PLPPR1: variants seen among roughly 807,000 people sequenced by gnomAD.
PLPPR1 encodes phospholipid phosphatase related 1, also known as phospholipid phosphatase-related protein type 1.
In PLPPR1, 10 loss-of-function variants were observed where a neutral mutation model predicts 33.1. That is an observed-to-expected ratio of 0.30 (90% CI 0.19 to 0.51). PLPPR1 has a LOEUF of 0.51. PLPPR1 is among the 20% of genes least tolerant of loss of function. The pLI, the probability that PLPPR1 is intolerant of heterozygous loss-of-function variation, is 0.97. For missense variants in PLPPR1, 304 were observed against 408.1 expected (o/e 0.74, Z 2.20); for synonymous variants, 151 against 151.0 (o/e 1.00, Z 0.00).
intron 5 of PLPPR1, among the ~76,000 whole-genome samples, chr9:101,311,489 T>C (rs1828954968): frequency 6.6e-6 from 1 of 152,204 alleles, no homozygotes; most frequent in African/African-American, 2.4e-5. Context: ...TTAATCTTTC[T>C]TATAGGAAAG....
intron 2 of PLPPR1, among the ~76,000 whole-genome samples, chr9:101,200,302 T>C (rs1826469556): frequency 1.3e-5 from 2 of 152,146 alleles, no homozygotes; most frequent in Non-Finnish European, 1.5e-5. Context: ...CACTCATTAA[T>C]GGACCTCATT....
chr9:101,248,472 T>G (rs1000548089), intron 2 of PLPPR1, among the ~76,000 whole-genome samples: 3 of 152,028 alleles, frequency 2.0e-5, no homozygotes, highest in African/African-American at 4.8e-5. Flanking sequence ...TGATACAGAT[T>G]ATGCATTGTG....
At chr9:101,088,971 A>G (rs147392357) in intron 1 of PLPPR1, among the ~76,000 whole-genome samples, 29 of 152,306 alleles carry the variant, frequency 1.9e-4, no homozygotes, top group Admixed American at 1.7e-3. Flanking sequence ...GATGAAACAA[A>G]TATCTTGACA....
chr9:101,215,757 C>G (rs1050740827), intron 2 of PLPPR1, among the ~76,000 whole-genome samples: 1 of 152,080 alleles, frequency 6.6e-6, no homozygotes, highest in Non-Finnish European at 1.5e-5. Flanking sequence ...CTTTCTGTGC[C>G]TGGCTTATTT....
chr9:101,306,858 G>A (rs545884229), intron 4 of PLPPR1, among the ~76,000 whole-genome samples: 11 of 152,346 alleles, frequency 7.2e-5, no homozygotes, highest in African/African-American at 2.6e-4. Flanking sequence ...AAGGGCAAAA[G>A]TAGCTGTTTT....
At chr9:101,129,477 A>G (rs1010324320) in intron 1 of PLPPR1, among the ~76,000 whole-genome samples, 2 of 152,136 alleles carry the variant, frequency 1.3e-5, no homozygotes, top group African/African-American at 4.8e-5. Flanking sequence ...AAACCTATCC[A>G]CTTACAGGTG....
At position 101,077,655 on chromosome 9, in the gene PLPPR1, A is replaced by C. The variant is rs1447069387; in HGVS notation, c.-46+48553A>C. On this transcript the variant is annotated intron_variant, in intron 1 of 7. Coordinates refer to ENST00000374874, the MANE Select transcript of PLPPR1 (RefSeq NM_207299.2). ...AGAGGAGGGAGTGAAACTGCAGTGC[A>C]TCACCACAGAGGCCTTAGACAATCC... Among the ~76,000 whole-genome samples, 3 of 152,246 alleles carry C rather than the reference A, an allele frequency of 2.0e-5. No homozygotes were observed. In the South Asian group the frequency reaches 6.2e-4, roughly 32 times the overall value.
intron 4 of PLPPR1, among the ~76,000 whole-genome samples, chr9:101,307,527 C>A (rs560865865): frequency 6.6e-6 from 1 of 152,150 alleles, no homozygotes; most frequent in Admixed American, 6.5e-5. Flanking sequence ...TCAATGAATG[C>A]CTGCTCTCAG....
chr9:101,246,073 T>TAG lies in PLPPR1; in HGVS notation c.64-23806_64-23805insGA, dbSNP rs1564014948. 1.0e-3 allele frequency among the ~76,000 whole-genome samples: 98 copies of TAG among 93,500 alleles called. 1 individual carries two copies. The highest frequency in any genetic ancestry group is 3.3e-3 in the African/African-American group (93 of 28,132). The allele number at this position is 93,500 out of a possible 152,430, so 61.3% of individuals were successfully genotyped here. A position where few individuals can be genotyped will look rare whatever the true frequency, so the allele number is the denominator to read the frequency against. On this transcript the variant is annotated intron_variant, in intron 2 of 7. Transcript: ENST00000374874. ...GAATATGAATATATATATATATATA[T>TAG]ATATATATATATATATATATATATA...
chr9:101,182,316 A>G lies in PLPPR1; in HGVS notation c.-45-3134A>G, dbSNP rs191700338. Among the ~76,000 whole-genome samples, 73 of 151,820 alleles carry G rather than the reference A, an allele frequency of 4.8e-4. No homozygotes were observed. The East Asian group carries it at 0.012, about 25-fold the overall frequency. ...CAGATAGACAGGAGGCATAAGCTTTAATGATCTGTTGTGCAGAATGGTGAT... is the reference window on the plus strand; with the variant it reads ...CAGATAGACAGGAGGCATAAGCTTTGATGATCTGTTGTGCAGAATGGTGAT... On this transcript the variant is annotated intron_variant, in intron 1 of 7. Transcript: ENST00000374874.
chr9:101,306,098 AT>A (rs916710950), intron 4 of PLPPR1, among the ~76,000 whole-genome samples: 1 of 151,818 alleles, frequency 6.6e-6, no homozygotes, highest in Non-Finnish European at 1.5e-5. Context: ...GCAGACACCA[AT>A]TTTTTTTGTC....
In PLPPR1 at chr9:101,222,827, C is replaced by T. The variant is rs575183269; in HGVS notation, c.63+37270C>T. Among the ~76,000 whole-genome samples the T allele has an allele frequency of 2.0e-5, 3 of 151,740 alleles. No homozygotes were observed. The South Asian group carries it at 6.3e-4, about 32-fold the overall frequency. ...TGAGACCATTCATCATAAAGCAAAC[C>T]CCCGCCCCCGCCATGATAGTAGATC... On this transcript the variant is annotated intron_variant, in intron 2 of 7. Coordinates refer to ENST00000374874, the MANE Select transcript of PLPPR1 (RefSeq NM_207299.2).
rs534262844 is a variant in PLPPR1, at chr9:101,098,144, T to C, written c.-46+69042T>C. 7.9e-5 allele frequency among the ~76,000 whole-genome samples: 12 copies of C among 152,190 alleles called. No individual in the cohort carries two copies. In the South Asian group the frequency reaches 2.5e-3, roughly 32 times the overall value. On this transcript the variant is annotated intron_variant, in intron 1 of 7. Transcript: ENST00000374874. ...CTCTGGAGGCCGAGTGGAAGATAGATTGGAAATGTAGCAGGAAATCTACTG... is the reference window on the plus strand; with the variant it reads ...CTCTGGAGGCCGAGTGGAAGATAGACTGGAAATGTAGCAGGAAATCTACTG...
At chr9:101,235,070 A>G (rs1827272968) in intron 2 of PLPPR1, among the ~76,000 whole-genome samples, 1 of 151,942 alleles carries the variant, frequency 6.6e-6, no homozygotes, top group Non-Finnish European at 1.5e-5. Flanking sequence ...ATCATGGCAG[A>G]TGTGGAAAGA....
intron 4 of PLPPR1, among the ~76,000 whole-genome samples, chr9:101,308,551 T>C (rs1828895835): frequency 6.6e-6 from 1 of 152,212 alleles, no homozygotes; most frequent in Admixed American, 6.5e-5. Flanking sequence ...TAGGAGGCTA[T>C]TGGTCAACAA....
At chr9:101,183,320 G>A (rs553088036) in intron 1 of PLPPR1, among the ~76,000 whole-genome samples, 9 of 151,774 alleles carry the variant, frequency 5.9e-5, no homozygotes, top group East Asian at 1.9e-4. Flanking sequence ...AATATTATTC[G>A]GCAGTTAAAA....
chr9:101,316,738 C>T (rs898516989), intron 6 of PLPPR1, among the ~76,000 whole-genome samples: 4 of 151,806 alleles, frequency 2.6e-5, no homozygotes, highest in Non-Finnish European at 5.9e-5. Flanking sequence ...AAAGAAAACT[C>T]AAGAGTTATC....
intron 1 of PLPPR1, among the ~76,000 whole-genome samples, chr9:101,097,256 G>C (rs914730812): frequency 2.6e-5 from 4 of 152,156 alleles, no homozygotes; most frequent in African/African-American, 9.7e-5. Flanking sequence ...GTGATGCTGC[G>C]CCTGGTGGTC....
intron 1 of PLPPR1, among the ~76,000 whole-genome samples, chr9:101,083,859 A>C (rs1416404322): frequency 4.6e-5 from 7 of 152,218 alleles, no homozygotes; most frequent in African/African-American, 1.7e-4. Context: ...GAGTAAGTAC[A>C]GTCATGCATA....
Sources: allele counts gnomAD v4.1 joint callset (sites outside exome capture counted in the v4.1 genomes callset), GRCh38; gene constraint gnomAD v4.1.1; transcripts MANE v1.5; gene names NCBI Gene and HGNC (gene_info 2026-07-23, HGNC 2026-07-21).